Variants in HS6ST3 observed in about 807,000 individuals in gnomAD.
The protein encoded by HS6ST3 is heparan sulfate 6-O-sulfotransferase 3, also known as heparan-sulfate 6-O-sulfotransferase 3.
In HS6ST3, 12 loss-of-function variants were observed where a neutral mutation model predicts 36.7. That is an observed-to-expected ratio of 0.33 (90% CI 0.21 to 0.53). HS6ST3 has a LOEUF of 0.53. HS6ST3 is among the 20% of genes least tolerant of loss of function. The pLI is 0.95. For synonymous variants in HS6ST3, 240 were observed against 257.5 expected, an observed-to-expected ratio of 0.93 and a Z score of 0.65; for missense variants, 584 against 640.9, an observed-to-expected ratio of 0.91 and a Z score of 0.96.
At chr13:96,120,244 C>CCCTGGTTTCAGATT (rs1292982793) in intron 1 of HS6ST3, among the ~76,000 whole-genome samples, 1 of 152,132 alleles carries the variant, frequency 6.6e-6, no homozygotes, top group Non-Finnish European at 1.5e-5. Context: ...GGGGCTGGGG[C>CCCTGGTTTCAGATT]CCTGGTTTCA....
intron 1 of HS6ST3, among the ~76,000 whole-genome samples, chr13:96,239,987 T>C (rs1165507557): frequency 6.6e-6 from 1 of 152,220 alleles, no homozygotes; most frequent in Non-Finnish European, 1.5e-5. Context: ...TCTTTGATGC[T>C]TTTATAAGTC....
intron 1 of HS6ST3, among the ~76,000 whole-genome samples, chr13:96,285,162 G>A (rs1046492779): frequency 6.6e-6 from 1 of 152,042 alleles, no homozygotes; most frequent in Non-Finnish European, 1.5e-5. Flanking sequence ...ACAGGAGGCC[G>A]TGTGACAGAA....
At position 96,304,703 on chromosome 13, in the gene HS6ST3, CTTTCTTTCTTTT is replaced by C. The variant is rs1314448887; in HGVS notation, c.707+213138_707+213149del. Among the ~76,000 whole-genome samples, 5 of 93,610 alleles carry C rather than the reference CTTTCTTTCTTTT, an allele frequency of 5.3e-5. No individual in the cohort carries two copies. The East Asian group carries it at 1.2e-3, about 23-fold the overall frequency. The allele number at this position is 93,610 out of a possible 152,430, so 61.4% of individuals were successfully genotyped here. Reference sequence around the variant, plus strand: ...TTTTTCTTTCTTTCTTTCTTTCTTTCTTTCTTTCTTTTTTTTTTTTTTTTTTTTACAGAATCT... The same window carrying C: ...TTTTTCTTTCTTTCTTTCTTTCTTTCTTTTTTTTTTTTTTTTACAGAATCT... On this transcript the variant is annotated intron_variant, in intron 1 of 1. Coordinates refer to ENST00000376705, the MANE Select transcript of HS6ST3 (RefSeq NM_153456.4).
At chr13:96,504,111 C>A (rs375673733) in intron 1 of HS6ST3, among the ~76,000 whole-genome samples, 87 of 152,278 alleles carry the variant, frequency 5.7e-4, no homozygotes, top group African/African-American at 2.0e-3. Context: ...AGGGGTACAA[C>A]ATATACATTT....
intron 1 of HS6ST3, among the ~76,000 whole-genome samples, chr13:96,363,076 T>C (rs1362419735): frequency 6.6e-6 from 1 of 152,076 alleles, no homozygotes; most frequent in Non-Finnish European, 1.5e-5. Flanking sequence ...TGTGTCTTGA[T>C]TGGGGTGGCA....
chr13:96,100,857 A>G (rs2053814892), intron 1 of HS6ST3, among the ~76,000 whole-genome samples: 1 of 152,156 alleles, frequency 6.6e-6, no homozygotes, highest in Non-Finnish European at 1.5e-5. Context: ...AATAGTTTGA[A>G]ATTTCTTCTA....
intron 1 of HS6ST3, among the ~76,000 whole-genome samples, chr13:96,203,951 A>G (rs1381768634): frequency 1.3e-5 from 2 of 152,202 alleles, no homozygotes; most frequent in Non-Finnish European, 1.5e-5. Flanking sequence ...TTAAAATATC[A>G]CATATGATTA....
At position 96,544,695 on chromosome 13, in the gene HS6ST3, C is replaced by G. The variant is rs935051808; in HGVS notation, c.708-287795C>G. Among the ~76,000 whole-genome samples, 8 of 151,936 alleles carry G rather than the reference C, an allele frequency of 5.3e-5. No homozygotes were observed. In the East Asian group the frequency reaches 1.5e-3, roughly 29 times the overall value. ...AGTATGAATATTTTTCAGCGTTGAC[C>G]CTCTCATCTTTCTCCTCTCTTATTT... On this transcript the variant is annotated intron_variant, in intron 1 of 1. Coordinates refer to ENST00000376705, the MANE Select transcript of HS6ST3 (RefSeq NM_153456.4).
At chr13:96,325,335 A>G (rs898467055) in intron 1 of HS6ST3, among the ~76,000 whole-genome samples, 2 of 152,184 alleles carry the variant, frequency 1.3e-5, no homozygotes, top group Non-Finnish European at 2.9e-5. Context: ...CAGGTTCTGG[A>G]GCCAAGAAAT....
chr13:96,667,488 T>A (rs1566425206), intron 1 of HS6ST3, among the ~76,000 whole-genome samples: 2 of 152,168 alleles, frequency 1.3e-5, no homozygotes, highest in Admixed American at 6.6e-5. Flanking sequence ...AGCTAGCTTG[T>A]CACCTTCCTA....
intron 1 of HS6ST3, among the ~76,000 whole-genome samples, chr13:96,282,749 C>T (rs1207666164): frequency 6.6e-6 from 1 of 152,050 alleles, no homozygotes; most frequent in African/African-American, 2.4e-5. Flanking sequence ...AACCTGAAAG[C>T]AAATTTGTGA....
intron 1 of HS6ST3, among the ~76,000 whole-genome samples, chr13:96,604,957 G>T (rs558409428): frequency 6.6e-6 from 1 of 152,220 alleles, no homozygotes; most frequent in African/African-American, 2.4e-5. Flanking sequence ...TGACCAGAGG[G>T]TTCAGACATT....
intron 1 of HS6ST3, among the ~76,000 whole-genome samples, chr13:96,680,415 G>A (rs536427485): frequency 1.2e-4 from 18 of 152,282 alleles, no homozygotes; most frequent in African/African-American, 4.3e-4. Context: ...GGAGAGTAAA[G>A]AGGATGAATT....
chr13:96,227,758 G>C (rs1015404752), intron 1 of HS6ST3, among the ~76,000 whole-genome samples: 6 of 152,118 alleles, frequency 3.9e-5, no homozygotes, highest in African/African-American at 1.4e-4. Flanking sequence ...TTTCAATACA[G>C]ATTGTCCAGG....
intron 1 of HS6ST3, among the ~76,000 whole-genome samples, chr13:96,509,571 A>G (rs184300567): frequency 1.3e-5 from 2 of 152,288 alleles, no homozygotes; most frequent in Admixed American, 1.3e-4. Context: ...GTTGCTTCCA[A>G]TTATCCCAGC....
intron 1 of HS6ST3, among the ~76,000 whole-genome samples, chr13:96,814,369 A>G (rs1878378092): frequency 1.3e-5 from 2 of 152,186 alleles, no homozygotes; most frequent in African/African-American, 4.8e-5. Flanking sequence ...CATTATTTCT[A>G]GTCTTCAGAG....
At chr13:96,558,029 A>G (rs9300362) in intron 1 of HS6ST3, among the ~76,000 whole-genome samples, 4 of 152,068 alleles carry the variant, frequency 2.6e-5, no homozygotes, top group Admixed American at 2.6e-4. Flanking sequence ...ATTATCATCA[A>G]TAGGCTGATA....
At chr13:96,213,429 G>A (rs2054408417) in intron 1 of HS6ST3, among the ~76,000 whole-genome samples, 1 of 151,916 alleles carries the variant, frequency 6.6e-6, no homozygotes, top group Non-Finnish European at 1.5e-5. Flanking sequence ...GGTCTCCTTT[G>A]TTCCTACCTG....
chr13:96,505,692 A>G (rs953495840), intron 1 of HS6ST3, among the ~76,000 whole-genome samples: 3 of 152,160 alleles, frequency 2.0e-5, no homozygotes, highest in Non-Finnish European at 4.4e-5. Flanking sequence ...TTATTTGATG[A>G]AGGAATTTAT....
Sources: allele counts gnomAD v4.1 joint callset (sites outside exome capture counted in the v4.1 genomes callset), GRCh38; gene constraint gnomAD v4.1.1; transcripts MANE v1.5; gene names NCBI Gene and HGNC (gene_info 2026-07-23, HGNC 2026-07-21).